The following KAT6B variants were observed in gnomAD, a reference collection of about 807,000 sequenced individuals.
The protein encoded by KAT6B is histone acetyltransferase KAT6B.
KAT6B carries 10 observed loss-of-function variants against 187.5 expected under a neutral mutation model. The observed-to-expected ratio is 0.05, with a 90% CI of 0.03 to 0.09. KAT6B has a LOEUF of 0.09. Among genes scored for constraint, KAT6B ranks in the 10% least tolerant of loss-of-function variants. The pLI is 1.00. For synonymous variants in KAT6B, 861 were observed against 926.8 expected (o/e 0.93, Z 1.29); for missense variants, 1,952 against 2,558.9 (o/e 0.76, Z 5.12).
In KAT6B at chr10:74,881,136, C is replaced by T. The variant is rs1371557383; in HGVS notation, c.621+37658C>T. On this transcript the variant is annotated intron_variant, in intron 3 of 17. Transcript: ENST00000287239. ...TATTGGTCAGGCTGGTCTCCATCTC[C>T]TGACCTCAGGGGATCCGCCTGCCTC... Among the ~76,000 whole-genome samples, 8 of 152,150 alleles carry T rather than the reference C, an allele frequency of 5.3e-5. No individual in the cohort carries two copies. In the East Asian group the frequency reaches 1.4e-3, roughly 26 times the overall value.
At chr10:74,883,448 C>T (rs1845010873) in intron 3 of KAT6B, among the ~76,000 whole-genome samples, 1 of 152,132 alleles carries the variant, frequency 6.6e-6, no homozygotes, top group Non-Finnish European at 1.5e-5. Flanking sequence ...TCACCGAGGT[C>T]CCAGTTGTTG....
intron 3 of KAT6B, among the ~76,000 whole-genome samples, chr10:74,908,856 C>A (rs1846988216): frequency 6.6e-6 from 1 of 152,022 alleles, no homozygotes; most frequent in Non-Finnish European, 1.5e-5. Context: ...CTCTGGTAGC[C>A]CCCTGAGACT....
At chr10:74,913,626 G>A (rs975265229) in intron 3 of KAT6B, among the ~76,000 whole-genome samples, 1 of 152,210 alleles carries the variant, frequency 6.6e-6, no homozygotes, top group Non-Finnish European at 1.5e-5. Context: ...TGCTAAAGAA[G>A]TACTTTATTA....
At chr10:74,830,041 GAA>G (rs1248485659) in intron 1 of KAT6B, among the ~76,000 whole-genome samples, 5 of 149,524 alleles carry the variant, frequency 3.3e-5, no homozygotes, top group Admixed American at 3.3e-4. Flanking sequence ...AAAAAAAAAA[GAA>G]AAATATTTTA....
At chr10:74,992,020 G>A (rs1224242442) in intron 13 of KAT6B, among the ~76,000 whole-genome samples, 1 of 152,146 alleles carries the variant, frequency 6.6e-6, no homozygotes, top group African/African-American at 2.4e-5. Flanking sequence ...TTGGAGCCCA[G>A]GATAGAAAGC....
intron 3 of KAT6B, among the ~76,000 whole-genome samples, chr10:74,889,424 T>C (rs1450489279): frequency 6.6e-6 from 1 of 152,148 alleles, no homozygotes; most frequent in Non-Finnish European, 1.5e-5. Context: ...GTTAAGTAGC[T>C]GTGAAGATTC....
At chr10:74,917,858 G>A (rs1231146654) in intron 3 of KAT6B, among the ~76,000 whole-genome samples, 1 of 152,296 alleles carries the variant, frequency 6.6e-6, no homozygotes, top group South Asian at 2.1e-4. Flanking sequence ...TGGCTTGTTT[G>A]CAGACTGGCA....
At chr10:74,826,084 C>T (rs1466516143), upstream of KAT6B, among the ~76,000 whole-genome samples, 2 of 151,366 alleles carry the variant, frequency 1.3e-5, no homozygotes, top group African/African-American at 4.9e-5. Context: ...ATCCTGCGGC[C>T]GCCGCCAGCG....
chr10:74,837,001 C>G (rs915308728), intron 1 of KAT6B, among the ~76,000 whole-genome samples: 1 of 152,120 alleles, frequency 6.6e-6, no homozygotes, highest in African/African-American at 2.4e-5. Context: ...TGTTTTTTGC[C>G]TCATCCATAA....
chr10:74,959,960 T>C lies in KAT6B; in HGVS notation c.622-10T>C. On this transcript the variant is annotated splice_polypyrimidine_tract_variant and intron_variant, in intron 3 of 17. Transcript: ENST00000287239. ...AAGTGACAGTATTTTTTATTTTAATTTTGTCATAGCCCCGTGCTGATCCCA... is the reference window on the plus strand; with the variant it reads ...AAGTGACAGTATTTTTTATTTTAATCTTGTCATAGCCCCGTGCTGATCCCA... 1 of 1,560,906 alleles carries C rather than the reference T, an allele frequency of 6.4e-7. No homozygotes were observed. Among genetic ancestry groups the C allele is most frequent in the Non-Finnish European group, 8.8e-7 (1 of 1,131,950 alleles).
intron 3 of KAT6B, among the ~76,000 whole-genome samples, chr10:74,902,796 A>G (rs890168951): frequency 3.9e-5 from 6 of 152,220 alleles, no homozygotes; most frequent in African/African-American, 1.4e-4. Context: ...TAAGTGTGGC[A>G]TCATTAATCA....
intron 3 of KAT6B, among the ~76,000 whole-genome samples, chr10:74,909,666 T>C (rs966761914): frequency 2.0e-5 from 3 of 152,106 alleles, no homozygotes; most frequent in Admixed American, 6.6e-5. Flanking sequence ...GAGAAGGGGG[T>C]TCTTTGGCAA....
rs1285242206 is a variant in KAT6B, at chr10:74,977,456, A to G, written c.2115+19A>G. 6.2e-7 allele frequency: 1 copy of G among 1,613,278 alleles called. No homozygotes were observed. Among genetic ancestry groups the G allele is most frequent in the Non-Finnish European group, 8.5e-7 (1 of 1,179,446 alleles). The stretch of plus-strand genomic sequence containing the variant: ...TTGGGAGGTAAGGCGAGGATCCCAC[A>G]TTGTAGTAGCAAGTATAAGATGTGG... On this transcript the variant is annotated intron_variant, in intron 9 of 17. Transcript: ENST00000287239.
At chr10:74,978,065 G>A (rs185222285) in intron 9 of KAT6B, among the ~76,000 whole-genome samples, 5 of 152,216 alleles carry the variant, frequency 3.3e-5, no homozygotes, top group African/African-American at 4.8e-5. Context: ...GACTACATTC[G>A]GTTTCTATGA....
chr10:74,908,423 T>C (rs1050971322), intron 3 of KAT6B, among the ~76,000 whole-genome samples: 2 of 151,876 alleles, frequency 1.3e-5, no homozygotes, highest in African/African-American at 2.4e-5. Context: ...TAGCTGGGCA[T>C]GGTGCTGCGT....
chr10:75,023,681 G>A (rs1845605920), intron 16 of KAT6B: 1 of 152,148 alleles, frequency 6.6e-6, no homozygotes. Context: ...GCTTCAGTGA[G>A]CATTCAGAGC....
chr10:74,943,600 A>G (rs367722459), intron 3 of KAT6B, among the ~76,000 whole-genome samples: 15 of 152,164 alleles, frequency 9.9e-5, no homozygotes, highest in African/African-American at 1.9e-4. Flanking sequence ...TACATATGGG[A>G]AAAAAAATGA....
upstream of KAT6B, chr10:74,825,605 A>C (rs1453358643): frequency 6.5e-6 from 1 of 154,682 alleles, no homozygotes; most frequent in African/African-American, 2.4e-5. The surrounding 1 kb of genome is among the most constrained non-coding windows in gnomAD (Gnocchi z 5.0). Context: ...GCGGAGGCTG[A>C]GGAAGGCAGC....
intron 16 of KAT6B, among the ~76,000 whole-genome samples, chr10:75,023,097 G>A (rs2134179982): frequency 6.6e-6 from 1 of 152,338 alleles, no homozygotes; most frequent in East Asian, 1.9e-4. Context: ...GCCCAGTGAT[G>A]TCTCTAGATA....
Sources: allele counts gnomAD v4.1 joint callset (sites outside exome capture counted in the v4.1 genomes callset), GRCh38; gene constraint gnomAD v4.1.1; non-coding constraint Gnocchi (gnomAD v3.1); transcripts MANE v1.5; gene names NCBI Gene and HGNC (gene_info 2026-07-23, HGNC 2026-07-21).